PATJ: variants seen among roughly 807,000 people sequenced by gnomAD.
PATJ encodes PATJ crumbs cell polarity complex component.
In PATJ, 190 loss-of-function variants were observed where a neutral mutation model predicts 224.9. That is an observed-to-expected ratio of 0.84 (90% confidence interval 0.75 to 0.95). The LOEUF is 0.95. PATJ is among the 40% of genes least tolerant of loss of function. PATJ has a pLI of 0.00. For synonymous variants in PATJ, 769 were observed against 820.3 expected (o/e 0.94, Z 1.07); for missense variants, 2,121 against 2,270.3 (o/e 0.93, Z 1.34).
chr1:61,793,311 G>A (rs938552864), intron 9 of PATJ, among the ~76,000 whole-genome samples: 1 of 152,194 alleles, frequency 6.6e-6, no homozygotes, highest in African/African-American at 2.4e-5. Context: ...AGAGGGAAAT[G>A]GAGAATTCAC....
intron 27 of PATJ, among the ~76,000 whole-genome samples, chr1:61,958,678 AAC>A (rs1431048785): frequency 3.3e-5 from 5 of 152,146 alleles, no homozygotes; most frequent in African/African-American, 1.2e-4. Context: ...TTCCTCAGGG[AAC>A]ACAGAGGAGA....
intron 39 of PATJ, among the ~76,000 whole-genome samples, chr1:62,127,224 G>A (rs938968717): frequency 5.3e-5 from 8 of 152,052 alleles, no homozygotes; most frequent in African/African-American, 1.9e-4. Context: ...TAATAACAGG[G>A]GTGACACACA....
At chr1:62,058,388 T>C (rs746577395) in intron 31 of PATJ, among the ~76,000 whole-genome samples, 1 of 152,188 alleles carries the variant, frequency 6.6e-6, no homozygotes, top group Non-Finnish European at 1.5e-5. Context: ...AAATTAAACA[T>C]ATTTATTAAA....
intron 27 of PATJ, among the ~76,000 whole-genome samples, chr1:61,935,328 C>T (rs1676678809): frequency 6.6e-6 from 1 of 152,150 alleles, no homozygotes. Context: ...AAAGCCCTTC[C>T]TTTATACTTT....
At chr1:61,922,656 TCACAAAAG>T (rs1674501841) in intron 26 of PATJ, among the ~76,000 whole-genome samples, 1 of 151,984 alleles carries the variant, frequency 6.6e-6, no homozygotes, top group African/African-American at 2.4e-5. Flanking sequence ...CAGTCACATG[TCACAAAAG>T]CACTGTTTAA....
At chr1:62,095,365 CT>C (rs758110504) in intron 33 of PATJ, among the ~76,000 whole-genome samples, 2 of 152,152 alleles carry the variant, frequency 1.3e-5, no homozygotes, top group Non-Finnish European at 2.9e-5. Context: ...CCAAATAACT[CT>C]TTATATCAAA....
At chr1:61,823,973 G>GTT (rs1342728848) in intron 15 of PATJ, among the ~76,000 whole-genome samples, 2 of 152,136 alleles carry the variant, frequency 1.3e-5, no homozygotes, top group African/African-American at 4.8e-5. Flanking sequence ...GATGTAGTAA[G>GTT]TTGCTTATTT....
chr1:61,862,389 G>A (rs1664753293), intron 19 of PATJ, among the ~76,000 whole-genome samples: 1 of 151,948 alleles, frequency 6.6e-6, no homozygotes. Flanking sequence ...TAGAGACAGG[G>A]TTTCGCCACG....
At chr1:61,877,771 T>C (rs541686423) in intron 21 of PATJ, among the ~76,000 whole-genome samples, 1 of 152,210 alleles carries the variant, frequency 6.6e-6, no homozygotes, top group Admixed American at 6.5e-5. Context: ...GGTAGTTCTT[T>C]ATGGCAGTGT....
rs1310697504 is a variant in PATJ, at chr1:62,068,700, G to C, written c.4126-10750G>C. Among the ~76,000 whole-genome samples, 3 of 152,246 alleles carry C rather than the reference G, an allele frequency of 2.0e-5. No individual in the cohort carries two copies. The East Asian group carries it at 5.8e-4, about 29-fold the overall frequency. On this transcript the variant is annotated intron_variant, in intron 31 of 43. Transcript: ENST00000642238. ...GGACATGTCACCCATCTGTTATATG[G>C]GATATTGCCAGTGTTGCCTTTTATG...
chr1:61,998,256 G>A (rs909529070), intron 28 of PATJ, among the ~76,000 whole-genome samples: 9 of 149,994 alleles, frequency 6.0e-5, no homozygotes, highest in South Asian at 2.1e-4. Flanking sequence ...ATTTTTTTTT[G>A]TATTTTTAGT....
At chr1:61,935,069 G>A (rs530964113) in intron 27 of PATJ, among the ~76,000 whole-genome samples, 29 of 152,272 alleles carry the variant, frequency 1.9e-4, no homozygotes, top group African/African-American at 6.7e-4. Flanking sequence ...CAACAGCCAG[G>A]TCTTTCTAAC....
intron 20 of PATJ, among the ~76,000 whole-genome samples, chr1:61,873,860 T>A (rs1666991271): frequency 6.6e-6 from 1 of 152,182 alleles, no homozygotes; most frequent in Non-Finnish European, 1.5e-5. Context: ...ATTTGTGTCT[T>A]ATGCAGGGGA....
intron 23 of PATJ, among the ~76,000 whole-genome samples, chr1:61,900,835 C>T (rs1416936205): frequency 6.6e-6 from 1 of 152,042 alleles, no homozygotes; most frequent in Non-Finnish European, 1.5e-5. Flanking sequence ...GTGATCTGCC[C>T]GCCTCGGCCT....
chr1:62,038,737 T>C (rs1650911400), intron 30 of PATJ: 1 of 409,334 alleles, frequency 2.4e-6, no homozygotes, highest in African/African-American at 2.0e-5. Context: ...CATAAATAGC[T>C]ATATATAGTG....
chr1:61,962,656 T>C (rs796403683), intron 27 of PATJ, among the ~76,000 whole-genome samples: 2 of 152,188 alleles, frequency 1.3e-5, no homozygotes, highest in African/African-American at 4.8e-5. Flanking sequence ...TTAGAAGATA[T>C]ATTCTTAAGG....
Position 61,791,405 on chromosome 1 carries a change from CTTGGAA to C in PATJ, c.1129_1134del (p.Gly377_Ile378del). 6.2e-7 allele frequency: 1 copy of C among 1,611,678 alleles called. No individual in the cohort carries two copies. The highest frequency in any genetic ancestry group is 8.5e-7 in the Non-Finnish European group (1 of 1,178,064). On this transcript the variant is annotated inframe_deletion, in exon 9 of 44. Coordinates refer to ENST00000642238, the MANE Select transcript of PATJ (RefSeq NM_001350145.3). Reference sequence around the variant, plus strand: ...GCTTGTGAGAAAAGATGGGCAGAGTCTTGGAATTAGAATTGTTGGCTATGTTGGAAC... The same window carrying C: ...GCTTGTGAGAAAAGATGGGCAGAGTCTTAGAATTGTTGGCTATGTTGGAAC...
intron 41 of PATJ, among the ~76,000 whole-genome samples, chr1:62,133,047 G>A (rs1182058169): frequency 6.6e-6 from 1 of 152,158 alleles, no homozygotes; most frequent in Non-Finnish European, 1.5e-5. Context: ...TAGAAATGAT[G>A]TAACAGTTAA....
chr1:61,860,795 C>T (rs1341851233), intron 18 of PATJ, among the ~76,000 whole-genome samples: 1 of 151,338 alleles, frequency 6.6e-6, no homozygotes, highest in Non-Finnish European at 1.5e-5. Flanking sequence ...CCACTGCACT[C>T]CAGTCTGGGT....
Sources: allele counts gnomAD v4.1 joint callset (sites outside exome capture counted in the v4.1 genomes callset), GRCh38; gene constraint gnomAD v4.1.1; transcripts MANE v1.5; gene names NCBI Gene and HGNC (gene_info 2026-07-23, HGNC 2026-07-21).